HMHB1: variants seen among roughly 807,000 people sequenced by gnomAD.
HMHB1 encodes histocompatibility minor HB-1.
HMHB1 carries 4 observed loss-of-function variants against 2.4 expected under a neutral mutation model. The ratio of observed to expected loss-of-function variants is 1.65; its 90% CI spans 0.81 to 3.77. HMHB1 has a LOEUF of 3.77. HMHB1 is among the 30% of genes most tolerant of loss of function. The pLI, the probability that HMHB1 is intolerant of heterozygous loss-of-function variation, is 0.01. For missense variants in HMHB1, 57 were observed against 44.2 expected (o/e 1.29, Z -0.82); for synonymous variants, 22 against 17.6 (o/e 1.25, Z -0.63).
chr5:143,818,226 C>T (rs1204582139), intron 1 of HMHB1, among the ~76,000 whole-genome samples: 2 of 152,008 alleles, frequency 1.3e-5, no homozygotes, highest in Non-Finnish European at 2.9e-5. Flanking sequence ...GTAAGACAGC[C>T]CTGGGTTTAA....
At chr5:143,813,163 A>C (rs1759711831) in intron 1 of HMHB1, among the ~76,000 whole-genome samples, 1 of 152,196 alleles carries the variant, frequency 6.6e-6, no homozygotes, top group Admixed American at 6.5e-5. Flanking sequence ...CAGCCACCCC[A>C]GGGAATGCTC....
intron 1 of HMHB1, among the ~76,000 whole-genome samples, chr5:143,817,082 T>C (rs1052566077): frequency 3.9e-5 from 6 of 152,214 alleles, no homozygotes; most frequent in Admixed American, 1.3e-4. Context: ...TTTGAGTTTG[T>C]TGTAGATTCT....
intron 1 of HMHB1, among the ~76,000 whole-genome samples, chr5:143,817,537 G>A (rs1004108533): frequency 1.3e-5 from 2 of 152,048 alleles, no homozygotes. Context: ...TTTATTTCTG[G>A]TTCTCTATTC....
rs60960654 is a variant in HMHB1 at position 143,820,318 on chromosome 5, T to TAAAAAAAAAAAAAAAAAAAAAAAAAAAA, written c.38-157_38-130dup. On this transcript the variant is annotated intron_variant, in intron 1 of 1. Transcript: ENST00000289448. Reference sequence around the variant, plus strand: ...AGGTGCTGCCCCGGCTCATCATAAGTAAAAAAAAAAAAAAAAAAAAAAAAA... The same window carrying TAAAAAAAAAAAAAAAAAAAAAAAAAAAA: ...AGGTGCTGCCCCGGCTCATCATAAGTAAAAAAAAAAAAAAAAAAAAAAAAAAAAAAAAAAAAAAAAAAAAAAAAAAAAA... Among the ~76,000 whole-genome samples, 38 of 47,582 alleles carry TAAAAAAAAAAAAAAAAAAAAAAAAAAAA rather than the reference T, an allele frequency of 8.0e-4. 1 individual carries two copies. The highest frequency in any genetic ancestry group is 1.3e-3 in the South Asian group (1 of 776). 31.2% of individuals were successfully genotyped at this position (47,582 alleles called of 152,430 possible).
chr5:143,819,508 G>C (rs550150583), intron 1 of HMHB1, among the ~76,000 whole-genome samples: 17 of 152,072 alleles, frequency 1.1e-4, no homozygotes, highest in African/African-American at 4.1e-4. Flanking sequence ...GGTGGCAGGA[G>C]CCTGTAATCC....
intron 1 of HMHB1, among the ~76,000 whole-genome samples, chr5:143,812,953 T>G (rs954215074): frequency 1.3e-5 from 2 of 150,954 alleles, no homozygotes; most frequent in Non-Finnish European, 3.0e-5. Flanking sequence ...CTGTCGTGTT[T>G]TTTGTTTGTT....
chr5:143,815,770 A>G (rs1759741230), intron 1 of HMHB1, among the ~76,000 whole-genome samples: 2 of 149,024 alleles, frequency 1.3e-5, no homozygotes, highest in Non-Finnish European at 3.0e-5. Context: ...GCAGTGGCGC[A>G]ATCTCGGCTC....
At chr5:143,820,304 C>T (rs186052887) in intron 1 of HMHB1, among the ~76,000 whole-genome samples, 176 bp from the exon 2 acceptor site, 456 of 80,652 alleles carry the variant, frequency 5.7e-3, no homozygotes, top group Non-Finnish European at 9.0e-3. Flanking sequence ...GGTGCTGCCC[C>T]GGCTCATCAT....
At chr5:143,818,780 C>CT (rs1283482935) in intron 1 of HMHB1, among the ~76,000 whole-genome samples, 1 of 151,404 alleles carries the variant, frequency 6.6e-6, no homozygotes, top group Admixed American at 6.6e-5. Context: ...TTTTCTCTTC[C>CT]TTTTTTTCTT....
chr5:143,819,697 G>A (rs1759786906), intron 1 of HMHB1, among the ~76,000 whole-genome samples: 1 of 151,212 alleles, frequency 6.6e-6, no homozygotes. Context: ...CCATGTCTCA[G>A]TGTATACATT....
chr5:143,812,652 C>G (rs1419661861), intron 1 of HMHB1, among the ~76,000 whole-genome samples: 1 of 152,084 alleles, frequency 6.6e-6, no homozygotes, highest in Non-Finnish European at 1.5e-5. Context: ...GCCAGGGTAG[C>G]CAAGATCACA....
intron 1 of HMHB1, among the ~76,000 whole-genome samples, chr5:143,814,495 C>T (rs775675650): frequency 2.0e-4 from 30 of 152,036 alleles, no homozygotes; most frequent in Admixed American, 2.0e-4. Context: ...TTTTGCGTTT[C>T]AGTTCATAGT....
At chr5:143,813,312 T>C (rs1043370840) in intron 1 of HMHB1, among the ~76,000 whole-genome samples, 1 of 152,258 alleles carries the variant, frequency 6.6e-6, no homozygotes, top group African/African-American at 2.4e-5. Context: ...TCACCTCTTC[T>C]ATGAAGGTTT....
At chr5:143,817,303 T>C (rs920769765) in intron 1 of HMHB1, among the ~76,000 whole-genome samples, 1 of 152,224 alleles carries the variant, frequency 6.6e-6, no homozygotes, top group Non-Finnish European at 1.5e-5. Context: ...AGAAGGGTTT[T>C]CCCAATGTTC....
rs759051668 is a variant in HMHB1, at chr5:143,820,526, T to C, written c.84T>C (p.Asp28=). ...CGGAATTGGTTGAAGTTGAAGATGATGTGTATCTGAGGCACAGCTCTTCCC... is the reference window on the plus strand; with the variant it reads ...CGGAATTGGTTGAAGTTGAAGATGACGTGTATCTGAGGCACAGCTCTTCCC... Residue 28 remains aspartate (D), a synonymous_variant, in exon 2 of 2, where the codon GAT becomes GAC. Coordinates refer to ENST00000289448, the MANE Select transcript of HMHB1 (RefSeq NM_021182.3). 4 of 1,613,248 alleles carry C rather than the reference T, an allele frequency of 2.5e-6. No individual in the cohort carries two copies. Among genetic ancestry groups the C allele is most frequent in the Non-Finnish European group, 3.4e-6 (4 of 1,179,398 alleles).
rs985917602 is a variant in HMHB1 at position 143,814,045 on chromosome 5, T to G, written c.37+1741T>G. On this transcript the variant is annotated intron_variant, in intron 1 of 1. Transcript: ENST00000289448. The stretch of plus-strand genomic sequence containing the variant: ...TTTCATAGCATCATTCTTACTGACA[T>G]GCATTGAAGATAAAAATGTTCTATA... 2.0e-5 allele frequency among the ~76,000 whole-genome samples: 3 copies of G among 152,240 alleles called. No homozygotes were observed. In the South Asian group the frequency reaches 6.2e-4, roughly 32 times the overall value.
At chr5:143,817,491 G>C (rs930242622) in intron 1 of HMHB1, among the ~76,000 whole-genome samples, 3 of 152,064 alleles carry the variant, frequency 2.0e-5, no homozygotes, top group Non-Finnish European at 4.4e-5. Context: ...GTTTTTGTTT[G>C]CTCTGTCAAA....
chr5:143,815,451 T>A (rs2126793000), intron 1 of HMHB1, among the ~76,000 whole-genome samples: 1 of 152,342 alleles, frequency 6.6e-6, no homozygotes, highest in African/African-American at 2.4e-5. Context: ...TTTTTCAAAG[T>A]AATGTATCCC....
Position 143,820,615 on chromosome 5 carries a change from G to A in HMHB1, c.*47G>A. ...CGAAGCCCAGAGTTTTGGTGTGGAT[G>A]AGCAGGGACAAATTGCTGAGCATGA... On this transcript the variant is annotated 3_prime_UTR_variant, in exon 2 of 2. Transcript: ENST00000289448. 2 of 1,217,848 alleles carry A rather than the reference G, an allele frequency of 1.6e-6. No individual in the cohort carries two copies. The highest frequency in any genetic ancestry group is 2.4e-6 in the Non-Finnish European group (2 of 821,980). 75.4% of individuals were successfully genotyped at this position (1,217,848 alleles called of 1,614,324 possible). A position where few individuals can be genotyped will look rare whatever the true frequency, so the allele number is the denominator to read the frequency against.
Sources: allele counts gnomAD v4.1 joint callset (sites outside exome capture counted in the v4.1 genomes callset), GRCh38; gene constraint gnomAD v4.1.1; transcripts MANE v1.5; gene names NCBI Gene and HGNC (gene_info 2026-07-23, HGNC 2026-07-21).